COL5A1: variants seen among roughly 807,000 people sequenced by gnomAD.
COL5A1 encodes the protein collagen type V alpha 1 chain.
In COL5A1, 16 loss-of-function variants were observed where a neutral mutation model predicts 263.7. The observed-to-expected ratio is 0.06, with a 90% CI of 0.04 to 0.09. The LOEUF (loss-of-function observed/expected upper bound fraction) is 0.09, where lower values mean the gene tolerates loss of function less well. COL5A1 is among the 10% of genes least tolerant of loss of function. The pLI, the probability that COL5A1 is intolerant of heterozygous loss-of-function variation, is 1.00. For missense variants in COL5A1, 2,036 were observed against 2,540.5 expected (o/e 0.80, Z 4.27); for synonymous variants, 1,012 against 1,004.5 (o/e 1.01, Z -0.14).
At chr9:134,760,715 CCATA>C (rs1187231966) in intron 18 of COL5A1, among the ~76,000 whole-genome samples, 1 of 125,024 alleles carries the variant, frequency 8.0e-6, no homozygotes, top group Non-Finnish European at 1.6e-5. Context: ...ACCCACACAC[CCATA>C]CACACATGCA....
At chr9:134,808,182 C>G (rs1838363783) in intron 42 of COL5A1, among the ~76,000 whole-genome samples, 1 of 152,130 alleles carries the variant, frequency 6.6e-6, no homozygotes, top group South Asian at 2.1e-4. Flanking sequence ...ATGACTAAAT[C>G]CCGGCTACAT....
chr9:134,770,091 T>C (rs1836821868), intron 25 of COL5A1, among the ~76,000 whole-genome samples: 1 of 152,194 alleles, frequency 6.6e-6, no homozygotes, highest in African/African-American at 2.4e-5. Flanking sequence ...CACATGAAGG[T>C]GCTTCGAGCA....
At position 134,817,507 on chromosome 9, in the gene COL5A1, G is replaced by A. The variant is rs1005813983; in HGVS notation, c.4177-271G>A. ...ACACACAACTCGCGGCGTGCACTGC[G>A]CCTCCCCACGTGGCCTGAGAGGCCT... On this transcript the variant is annotated intron_variant, in intron 53 of 65. Transcript: ENST00000371817. 5.9e-5 allele frequency among the ~76,000 whole-genome samples: 9 copies of A among 152,178 alleles called. No individual in the cohort carries two copies. In the East Asian group the frequency reaches 7.7e-4, roughly 13 times the overall value.
In COL5A1 at chr9:134,820,325, C is replaced by T. The variant is rs73561955; in HGVS notation, c.4554+102C>T. Reference sequence around the variant, plus strand: ...GGAGGCCCATCAGAGCCCGGAAGGACGTCCACACGTCGGTTGAGTCCGGTC... The same window carrying T: ...GGAGGCCCATCAGAGCCCGGAAGGATGTCCACACGTCGGTTGAGTCCGGTC... On this transcript the variant is annotated intron_variant, in intron 58 of 65. Coordinates refer to ENST00000371817, the MANE Select transcript of COL5A1 (RefSeq NM_000093.5). 2,487 of 885,098 alleles carry T rather than the reference C, an allele frequency of 2.8e-3. 52 individuals carry two copies. The African/African-American group carries it at 0.036, about 13-fold the overall frequency. 54.8% of individuals were successfully genotyped at this position (885,098 alleles called of 1,614,324 possible).
chr9:134,814,000 A>G lies in COL5A1; in HGVS notation c.3870A>G (p.Ala1290=), dbSNP rs541963919. 26 of 1,551,032 alleles carry G rather than the reference A, an allele frequency of 1.7e-5. No homozygotes were observed. In the African/African-American group the frequency reaches 3.0e-4, roughly 18 times the overall value. ...CTCCCTAGGGCGAGCCTGGCGAAGCAGGTGAGCCTGGCCTTCCGGGAGAAG... is the reference window on the plus strand; with the variant it reads ...CTCCCTAGGGCGAGCCTGGCGAAGCGGGTGAGCCTGGCCTTCCGGGAGAAG... The part of the protein sequence containing the change: ...AVGEKGEPGE[A]GEPGLPGEGG... Residue 1290 remains alanine, a synonymous_variant, in exon 49 of 66, where the codon GCA becomes GCG. Transcript: ENST00000371817.
chr9:134,692,946 G>C (rs1246011647), intron 2 of COL5A1, among the ~76,000 whole-genome samples: 1 of 152,006 alleles, frequency 6.6e-6, no homozygotes, highest in Non-Finnish European at 1.5e-5. Flanking sequence ...GGTGGTGCGC[G>C]CCTGTAATCC....
intron 1 of COL5A1, among the ~76,000 whole-genome samples, chr9:134,689,776 A>G (rs976141697): frequency 6.6e-6 from 1 of 152,208 alleles, no homozygotes; most frequent in African/African-American, 2.4e-5. Flanking sequence ...AACCCCGTCC[A>G]CATCTACTGG....
chr9:134,806,518 C>T (rs1412105379), intron 42 of COL5A1, among the ~76,000 whole-genome samples: 4 of 152,152 alleles, frequency 2.6e-5, no homozygotes, highest in African/African-American at 7.2e-5. Context: ...ACATTCTTTC[C>T]GCCATCAGCT....
intron 1 of COL5A1, among the ~76,000 whole-genome samples, chr9:134,663,560 A>G (rs1832272631): frequency 6.6e-6 from 1 of 152,376 alleles, no homozygotes; most frequent in Non-Finnish European, 1.5e-5. Flanking sequence ...TAATGAAAAT[A>G]ATACATTTCA....
At chr9:134,706,295 G>A (rs72772580) in intron 4 of COL5A1, among the ~76,000 whole-genome samples, 15,940 of 152,274 alleles carry the variant, frequency 0.1, 1,153 homozygotes, top group Non-Finnish European at 0.17. Flanking sequence ...AGAGGTGCTG[G>A]GCAGGCCCAG....
Position 134,788,967 on chromosome 9 carries a change from G to C in COL5A1, c.2647-188G>C, listed in dbSNP as rs541301021. On this transcript the variant is annotated intron_variant, in intron 31 of 65. Coordinates refer to ENST00000371817, the MANE Select transcript of COL5A1 (RefSeq NM_000093.5). Reference sequence around the variant, plus strand: ...GGATGAGTGGGTGGGTGGGTAGACAGGTAGATGGATGAGTAGGTGGATAGG... The same window carrying C: ...GGATGAGTGGGTGGGTGGGTAGACACGTAGATGGATGAGTAGGTGGATAGG... 1.6e-4 allele frequency among the ~76,000 whole-genome samples: 24 copies of C among 150,932 alleles called. 1 individual carries two copies. The highest frequency in any genetic ancestry group is 1.5e-3 in the Admixed American group (23 of 15,198).
At chr9:134,670,340 T>G (rs768454058) in intron 1 of COL5A1, among the ~76,000 whole-genome samples, 2 of 152,230 alleles carry the variant, frequency 1.3e-5, no homozygotes, top group Non-Finnish European at 2.9e-5. Context: ...TTAAAGCCTT[T>G]TTATTGCAGA....
intron 1 of COL5A1, among the ~76,000 whole-genome samples, chr9:134,669,685 G>A (rs763798632): frequency 1.2e-4 from 19 of 152,164 alleles, no homozygotes; most frequent in African/African-American, 3.9e-4. Context: ...GAGGTGCTGA[G>A]TGCTTTTTAA....
intron 29 of COL5A1, 73 bp downstream of exon 29, chr9:134,782,793 T>C (rs1837312104): frequency 7.5e-7 from 1 of 1,341,378 alleles, no homozygotes; most frequent in South Asian, 1.2e-5. Flanking sequence ...GGGGTGGGGA[T>C]GTTTGCCGCC....
intron 44 of COL5A1, 143 bp from the exon 45 acceptor site, chr9:134,811,196 C>T (rs745734105): frequency 1.9e-5 from 15 of 803,414 alleles, no homozygotes; most frequent in Non-Finnish European, 2.9e-5. Flanking sequence ...AGGCTTGCAT[C>T]GTGGTGCAAG....
intron 37 of COL5A1, among the ~76,000 whole-genome samples, chr9:134,799,339 G>A (rs192523551): frequency 8.6e-4 from 131 of 152,358 alleles, no homozygotes; most frequent in Non-Finnish European, 1.6e-3. Context: ...ACACCTACAA[G>A]CTTGGGGCTC....
In COL5A1 at chr9:134,754,559, C is replaced by T. The variant is rs549512797; in HGVS notation, c.1827+233C>T. ...ACCAGGCCTCTTCCCTGGGCACATT[C>T]ATTTAGTTTAATAAACCTTTCTAAT... On this transcript the variant is annotated intron_variant, in intron 16 of 65. Coordinates refer to ENST00000371817, the MANE Select transcript of COL5A1 (RefSeq NM_000093.5). This position sits in a 1 kb window ranked among gnomAD's most constrained non-coding sequence, Gnocchi z 4.3. 6.6e-6 allele frequency among the ~76,000 whole-genome samples: 1 copy of T among 152,372 alleles called. No individual in the cohort carries two copies. The highest frequency in any genetic ancestry group is 2.1e-4 in the South Asian group (1 of 4,830).
intron 4 of COL5A1, among the ~76,000 whole-genome samples, chr9:134,723,922 C>T: frequency 6.6e-6 from 1 of 152,208 alleles, no homozygotes; most frequent in Non-Finnish European, 1.5e-5. Flanking sequence ...GGTTTTTAAA[C>T]ACAAGTTGGG....
intron 1 of COL5A1, among the ~76,000 whole-genome samples, chr9:134,670,611 A>G (rs992416398): frequency 1.3e-5 from 2 of 152,144 alleles, no homozygotes; most frequent in Non-Finnish European, 2.9e-5. Flanking sequence ...CGTTGTCTGG[A>G]GGATGGAGCA....
Sources: allele counts gnomAD v4.1 joint callset (sites outside exome capture counted in the v4.1 genomes callset), GRCh38; gene constraint gnomAD v4.1.1; non-coding constraint Gnocchi (gnomAD v3.1); transcripts MANE v1.5; gene names NCBI Gene and HGNC (gene_info 2026-07-23, HGNC 2026-07-21).